Variants in BLK observed in about 807,000 individuals in gnomAD.
BLK encodes BLK proto-oncogene, Src family tyrosine kinase.
A neutral mutation model predicts 61.8 loss-of-function variants in BLK; 64 were observed. That is an observed-to-expected ratio of 1.03 (90% CI 0.85 to 1.27). The LOEUF (loss-of-function observed/expected upper bound fraction) is 1.27, where lower values mean the gene tolerates loss of function less well. BLK is among the 50% of genes most tolerant of loss of function. The pLI is 0.00. For missense variants in BLK, 853 were observed against 660.5 expected (o/e 1.29, Z -3.19); for synonymous variants, 351 against 272.0 (o/e 1.29, Z -2.86).
intron 1 of BLK, among the ~76,000 whole-genome samples, chr8:11,526,485 A>G (rs112932449): frequency 0.012 from 1,761 of 152,278 alleles, 14 homozygotes; most frequent in African/African-American, 0.027. Context: ...TTGGGAGGCC[A>G]AGGCGGGTGG....
chr8:11,542,717 T>C (rs893888704), intron 1 of BLK, among the ~76,000 whole-genome samples: 1 of 152,174 alleles, frequency 6.6e-6, no homozygotes, highest in Admixed American at 6.5e-5. Flanking sequence ...CTGTCCTAAA[T>C]GTATATAGTG....
chr8:11,528,871 G>A (rs1799781441), intron 1 of BLK, among the ~76,000 whole-genome samples: 1 of 152,144 alleles, frequency 6.6e-6, no homozygotes, highest in Non-Finnish European at 1.5e-5. Flanking sequence ...AACACTGTAT[G>A]TTCTCAATTA....
At chr8:11,537,946 G>C (rs1046755849) in intron 1 of BLK, among the ~76,000 whole-genome samples, 1 of 152,056 alleles carries the variant, frequency 6.6e-6, no homozygotes, top group Non-Finnish European at 1.5e-5. Context: ...GGGCCTAGCT[G>C]GTTTCAAATA....
intron 1 of BLK, among the ~76,000 whole-genome samples, chr8:11,498,093 C>G (rs1478890): frequency 0.37 from 56,822 of 152,070 alleles, 12,920 homozygotes; most frequent in Non-Finnish European, 0.53. Context: ...AGTTTTCTCA[C>G]GTTCCTTCTC....
At chr8:11,530,927 G>A (rs909845548) in intron 1 of BLK, among the ~76,000 whole-genome samples, 24 of 152,208 alleles carry the variant, frequency 1.6e-4, no homozygotes, top group African/African-American at 5.8e-4. Context: ...CTCCCAAATT[G>A]TTTCCTAAAG....
chr8:11,507,622 G>A (rs554450688), intron 1 of BLK, among the ~76,000 whole-genome samples: 6 of 152,194 alleles, frequency 3.9e-5, no homozygotes, highest in Non-Finnish European at 5.9e-5. Flanking sequence ...TAGAAGAGGC[G>A]AATCAGAAAG....
At chr8:11,520,855 T>C (rs143763545) in intron 1 of BLK, among the ~76,000 whole-genome samples, 1 of 152,294 alleles carries the variant, frequency 6.6e-6, no homozygotes, top group East Asian at 1.9e-4. Context: ...CAAAAATCAA[T>C]AGCTTTCTTT....
At chr8:11,503,308 C>G (rs1798637697) in intron 1 of BLK, among the ~76,000 whole-genome samples, 1 of 152,194 alleles carries the variant, frequency 6.6e-6, no homozygotes, top group Non-Finnish European at 1.5e-5. Context: ...CCTGTCAGCT[C>G]CTGATCTTGG....
At chr8:11,544,416 C>A (rs968512578) in intron 2 of BLK, among the ~76,000 whole-genome samples, 3 of 152,148 alleles carry the variant, frequency 2.0e-5, no homozygotes, top group Non-Finnish European at 4.4e-5. Flanking sequence ...TAACAGGGAC[C>A]TGATGGGGAG....
chr8:11,516,948 C>G (rs1563432216), intron 1 of BLK, among the ~76,000 whole-genome samples: 2 of 152,234 alleles, frequency 1.3e-5, no homozygotes, highest in Non-Finnish European at 2.9e-5. Context: ...CCAGAACTGG[C>G]ATTGCTGGAT....
chr8:11,541,809 C>G (rs1800392610), intron 1 of BLK, among the ~76,000 whole-genome samples: 1 of 152,108 alleles, frequency 6.6e-6, no homozygotes, highest in African/African-American at 2.4e-5. Flanking sequence ...AACCCATAAT[C>G]TCTTATCCAA....
At chr8:11,559,109 C>A in intron 10 of BLK, 1 of 410,410 alleles carries the variant, frequency 2.4e-6, no homozygotes, top group South Asian at 1.7e-5. Flanking sequence ...TATTCAATCC[C>A]CACTACACCC....
At chr8:11,534,915 A>G (rs894207403) in intron 1 of BLK, among the ~76,000 whole-genome samples, 2 of 152,208 alleles carry the variant, frequency 1.3e-5, no homozygotes, top group African/African-American at 4.8e-5. Flanking sequence ...TCATGCCTGT[A>G]TCCAACCCAG....
chr8:11,534,928 C>A (rs964205939), intron 1 of BLK, among the ~76,000 whole-genome samples: 1 of 152,172 alleles, frequency 6.6e-6, no homozygotes, highest in Admixed American at 6.5e-5. Context: ...CAACCCAGAA[C>A]TTTGGGAGGC....
chr8:11,496,925 G>A (rs959647497), intron 1 of BLK, among the ~76,000 whole-genome samples: 2 of 152,158 alleles, frequency 1.3e-5, no homozygotes, highest in African/African-American at 4.8e-5. Context: ...GACCTTGTGA[G>A]CCCACCTGCA....
intron 1 of BLK, among the ~76,000 whole-genome samples, chr8:11,513,570 C>G (rs924077313): frequency 6.6e-6 from 1 of 152,186 alleles, no homozygotes; most frequent in Non-Finnish European, 1.5e-5. Flanking sequence ...GGGCTGGAGG[C>G]AACTCAGAGA....
intron 1 of BLK, among the ~76,000 whole-genome samples, chr8:11,512,879 C>A (rs1026912293): frequency 2.2e-4 from 34 of 152,300 alleles, no homozygotes; most frequent in African/African-American, 8.2e-4. Flanking sequence ...GTTGGCCAGG[C>A]TGGACTCAAA....
chr8:11,516,737 C>G (rs1799243957), intron 1 of BLK, among the ~76,000 whole-genome samples: 1 of 152,214 alleles, frequency 6.6e-6, no homozygotes. Flanking sequence ...TCAAGGCTCA[C>G]CCATGTTGTA....
intron 1 of BLK, among the ~76,000 whole-genome samples, chr8:11,501,541 G>T (rs1798561766): frequency 6.6e-6 from 1 of 151,994 alleles, no homozygotes; most frequent in African/African-American, 2.4e-5. Flanking sequence ...CAGCTTTCCA[G>T]GAAACAAATG....
Sources: allele counts gnomAD v4.1 joint callset (sites outside exome capture counted in the v4.1 genomes callset), GRCh38; gene constraint gnomAD v4.1.1; transcripts MANE v1.5; gene names NCBI Gene and HGNC (gene_info 2026-07-23, HGNC 2026-07-21).